The following MTHFD1L variants were observed in gnomAD, a reference collection of about 807,000 sequenced individuals.
The protein encoded by MTHFD1L is monofunctional C1-tetrahydrofolate synthase, mitochondrial.
In MTHFD1L, 81 loss-of-function variants were observed where a neutral mutation model predicts 119.5. That is an observed-to-expected ratio of 0.68 (90% CI 0.57 to 0.82). The LOEUF (loss-of-function observed/expected upper bound fraction) is 0.82. MTHFD1L is among the 40% of genes least tolerant of loss of function. The pLI, the probability that MTHFD1L is intolerant of heterozygous loss-of-function variation, is 0.00. For synonymous variants in MTHFD1L, 430 were observed against 475.2 expected, an observed-to-expected ratio of 0.90 and a Z score of 1.24; for missense variants, 1,125 against 1,253.4, an observed-to-expected ratio of 0.90 and a Z score of 1.55.
chr6:150,995,163 G>A (rs1403419363), intron 20 of MTHFD1L, among the ~76,000 whole-genome samples: 2 of 151,990 alleles, frequency 1.3e-5, no homozygotes, highest in Non-Finnish European at 2.9e-5. Flanking sequence ...ATGGGGGAGG[G>A]GTGGGGAGAT....
At chr6:151,062,574 CAAGA>C (rs1285342991) in intron 26 of MTHFD1L, among the ~76,000 whole-genome samples, 1 of 151,934 alleles carries the variant, frequency 6.6e-6, no homozygotes, top group Non-Finnish European at 1.5e-5. Flanking sequence ...ATTCTAGAGC[CAAGA>C]AAGAGATAGA....
intron 24 of MTHFD1L, among the ~76,000 whole-genome samples, chr6:151,021,483 G>T (rs1783939087): frequency 6.6e-6 from 1 of 152,158 alleles, no homozygotes; most frequent in South Asian, 2.1e-4. Flanking sequence ...GGGAGGTAGA[G>T]GTTGCAGTGA....
chr6:151,052,851 C>T (rs1349382015), intron 26 of MTHFD1L, among the ~76,000 whole-genome samples: 2 of 152,166 alleles, frequency 1.3e-5, no homozygotes, highest in African/African-American at 4.8e-5. Context: ...TGAGCCTGAG[C>T]CCAGCCCCAG....
intron 20 of MTHFD1L, among the ~76,000 whole-genome samples, chr6:151,007,880 A>G (rs918345501): frequency 6.6e-6 from 1 of 152,228 alleles, no homozygotes; most frequent in African/African-American, 2.4e-5. Context: ...AATGTCTTTT[A>G]TTTCTCGAAA....
At chr6:150,912,605 A>G (rs967716120) in intron 8 of MTHFD1L, 3 of 457,714 alleles carry the variant, frequency 6.6e-6, no homozygotes, top group Non-Finnish European at 1.4e-5. Context: ...TATTAGTGAA[A>G]GGGTGGTTCT....
At chr6:150,887,793 AG>A (rs1425909301) in intron 6 of MTHFD1L, 51 bp from the exon 7 acceptor site, 28 of 1,515,860 alleles carry the variant, frequency 1.8e-5, no homozygotes, top group Non-Finnish European at 2.5e-5. Flanking sequence ...AAGTTCTTAA[AG>A]GAAGGATCTG....
chr6:150,929,843 C>G (rs1790709443), intron 11 of MTHFD1L, among the ~76,000 whole-genome samples: 1 of 149,088 alleles, frequency 6.7e-6, no homozygotes, highest in Non-Finnish European at 1.5e-5. Context: ...TTTGAAGGAA[C>G]AAAAATTAAA....
chr6:150,998,995 A>AAAAATGTATAT (rs986639098), intron 20 of MTHFD1L, among the ~76,000 whole-genome samples: 1 of 143,586 alleles, frequency 7.0e-6, no homozygotes, highest in Non-Finnish European at 1.5e-5. Flanking sequence ...GTCTTAAAAA[A>AAAAATGTATAT]ATATATATAC....
At chr6:150,919,055 C>T (rs1025049759) in intron 9 of MTHFD1L, among the ~76,000 whole-genome samples, 3 of 151,328 alleles carry the variant, frequency 2.0e-5, no homozygotes, top group Non-Finnish European at 2.9e-5. Flanking sequence ...ACCAGCTACT[C>T]AGGAGGCTAA....
intron 24 of MTHFD1L, among the ~76,000 whole-genome samples, chr6:151,022,991 G>A (rs1439525487): frequency 7.9e-5 from 12 of 151,168 alleles, no homozygotes; most frequent in Non-Finnish European, 1.3e-4. Flanking sequence ...CAAATCTCCA[G>A]ATACCCCCTG....
At chr6:151,091,002 C>T (rs1227555878) in intron 26 of MTHFD1L, among the ~76,000 whole-genome samples, 2 of 119,934 alleles carry the variant, frequency 1.7e-5, no homozygotes, top group Non-Finnish European at 3.5e-5. Context: ...TCGTTCCATG[C>T]GACTGGGTGC....
Position 151,030,466 on chromosome 6 carries a change from G to A in MTHFD1L, c.2587-4027G>A, listed in dbSNP as rs572219612. Among the ~76,000 whole-genome samples, 6 of 152,336 alleles carry A rather than the reference G, an allele frequency of 3.9e-5. No homozygotes were observed. In the South Asian group the frequency reaches 8.3e-4, roughly 21 times the overall value. ...CCCTGCGGCTTCTTTCCTGCAAGAA[G>A]TATCTTCCAGCATCCTACCAACTTT... On this transcript the variant is annotated intron_variant, in intron 24 of 27. Coordinates refer to ENST00000367321, the MANE Select transcript of MTHFD1L (RefSeq NM_015440.5).
intron 20 of MTHFD1L, among the ~76,000 whole-genome samples, chr6:150,980,887 A>G (rs1777393060): frequency 1.3e-5 from 2 of 152,060 alleles, no homozygotes; most frequent in Admixed American, 1.3e-4. Context: ...ACACACATAT[A>G]TGTACACTAG....
intron 7 of MTHFD1L, among the ~76,000 whole-genome samples, chr6:150,902,024 C>T (rs1002910220): frequency 3.9e-5 from 6 of 152,038 alleles, no homozygotes; most frequent in Admixed American, 2.0e-4. Context: ...CTCAGATTCT[C>T]ATATGATATG....
chr6:151,031,084 C>T (rs1785278608), intron 24 of MTHFD1L, among the ~76,000 whole-genome samples: 1 of 152,214 alleles, frequency 6.6e-6, no homozygotes, highest in Admixed American at 6.5e-5. Flanking sequence ...ACTTTGTACT[C>T]AGGCAGTAAC....
chr6:150,965,834 A>G (rs1738574), intron 19 of MTHFD1L, among the ~76,000 whole-genome samples: 71,846 of 151,982 alleles, frequency 0.47, 17,915 homozygotes, highest in South Asian at 0.59. Flanking sequence ...AAATGCCAAG[A>G]CTTTCCAGGA....
At chr6:150,918,719 T>C (rs1788415209) in intron 9 of MTHFD1L, 51 bp downstream of exon 9, 1 of 1,471,830 alleles carries the variant, frequency 6.8e-7, no homozygotes, top group East Asian at 2.3e-5. Context: ...GTTTGATTAA[T>C]AGTTGCTAAC....
At chr6:150,959,470 A>G (rs546032932) in intron 17 of MTHFD1L, among the ~76,000 whole-genome samples, 1 of 152,302 alleles carries the variant, frequency 6.6e-6, no homozygotes, top group Admixed American at 6.5e-5. Flanking sequence ...TCCATGTTGG[A>G]CTTCGTACAA....
intron 12 of MTHFD1L, among the ~76,000 whole-genome samples, chr6:150,938,073 A>G (rs1458416433): frequency 1.3e-5 from 2 of 152,214 alleles, no homozygotes; most frequent in East Asian, 1.9e-4. Context: ...GCTGGAATGC[A>G]GTGGTGCAAT....
Sources: gnomAD v4.1 joint callset for allele counts (sites outside exome capture counted in the v4.1 genomes callset) on GRCh38, gnomAD v4.1.1 for gene constraint, MANE v1.5 for transcripts, NCBI Gene and HGNC (gene_info 2026-07-23, HGNC 2026-07-21) for gene names.